The following SIPA1L3 variants were observed in gnomAD, a reference collection of about 807,000 sequenced individuals.
SIPA1L3 encodes signal-induced proliferation-associated 1-like protein 3.
A neutral mutation model predicts 150.1 loss-of-function variants in SIPA1L3; 59 were observed. That is an observed-to-expected ratio of 0.39 (90% CI 0.32 to 0.49). The LOEUF (loss-of-function observed/expected upper bound fraction) is 0.49. Among genes scored for constraint, SIPA1L3 ranks in the 20% least tolerant of loss-of-function variants. The pLI is 0.86. For synonymous variants in SIPA1L3, 1,070 were observed against 1,077.6 expected, an observed-to-expected ratio of 0.99 and a Z score of 0.14; for missense variants, 2,211 against 2,489.5, an observed-to-expected ratio of 0.89 and a Z score of 2.38.
At chr19:37,991,120 T>C (rs938705172) in intron 1 of SIPA1L3, among the ~76,000 whole-genome samples, 3 of 152,058 alleles carry the variant, frequency 2.0e-5, no homozygotes, top group African/African-American at 7.2e-5. Flanking sequence ...TAATCCCAGC[T>C]ACTTGGGAGG....
chr19:38,142,835 G>A (rs899039695), intron 12 of SIPA1L3, 125 bp downstream of exon 12: 5 of 1,220,230 alleles, frequency 4.1e-6, no homozygotes, highest in Non-Finnish European at 5.7e-6. Context: ...ACCCCTGAAG[G>A]TCCTCAGAGG....
At chr19:38,129,483 G>A (rs948082865) in intron 9 of SIPA1L3, among the ~76,000 whole-genome samples, 1 of 152,014 alleles carries the variant, frequency 6.6e-6, no homozygotes, top group African/African-American at 2.4e-5. Context: ...AAACTAGCCG[G>A]GCATGGTGGC....
intron 1 of SIPA1L3, among the ~76,000 whole-genome samples, chr19:37,966,372 G>A (rs1599848259): frequency 1.3e-5 from 2 of 152,194 alleles, no homozygotes; most frequent in Admixed American, 1.3e-4. Flanking sequence ...GCAAGGACAG[G>A]TTTGGACAGA....
chr19:38,013,818 A>G (rs958329925), intron 1 of SIPA1L3, among the ~76,000 whole-genome samples: 1 of 152,258 alleles, frequency 6.6e-6, no homozygotes, highest in Non-Finnish European at 1.5e-5. Context: ...TGAATAAAAT[A>G]TGGCACATCT....
chr19:38,026,699 G>T (rs1968518244), intron 1 of SIPA1L3, among the ~76,000 whole-genome samples: 1 of 152,144 alleles, frequency 6.6e-6, no homozygotes, highest in Non-Finnish European at 1.5e-5. Context: ...TCGTTGAGGG[G>T]TTCTTAATCT....
chr19:38,157,621 C>T (rs920652274), intron 13 of SIPA1L3, among the ~76,000 whole-genome samples: 1 of 152,172 alleles, frequency 6.6e-6, no homozygotes, highest in Non-Finnish European at 1.5e-5. Flanking sequence ...CATGCTCTCA[C>T]GCTGTCCCCT....
At chr19:38,061,602 G>A (rs1969447075) in intron 2 of SIPA1L3, among the ~76,000 whole-genome samples, 1 of 152,052 alleles carries the variant, frequency 6.6e-6, no homozygotes, top group Non-Finnish European at 1.5e-5. Flanking sequence ...GAGAAAAACA[G>A]AATGAGAGAC....
rs73040856 is a variant in SIPA1L3, at chr19:38,035,043, G to A, written c.-311+5887G>A. On this transcript the variant is annotated intron_variant, in intron 2 of 21. Coordinates refer to ENST00000222345, the MANE Select transcript of SIPA1L3 (RefSeq NM_015073.3). ...CCCCAGAGTGGTCAGGTCTGTGATC[G>A]GGGAAGCCCAGGGGAGTGGGAACCC... 6.0e-3 allele frequency among the ~76,000 whole-genome samples: 911 copies of A among 152,288 alleles called. 9 individuals carry two copies. The highest frequency in any genetic ancestry group is 0.01 in the Non-Finnish European group (700 of 68,014).
chr19:38,124,991 GGAAA>G (rs1971138152), intron 9 of SIPA1L3, among the ~76,000 whole-genome samples: 1 of 32,290 alleles, frequency 3.1e-5, no homozygotes, highest in Non-Finnish European at 5.3e-5. Context: ...GGGAGACTGT[GGAAA>G]GAGAGGGAGA....
At chr19:38,170,745 G>T (rs1972310181) in intron 15 of SIPA1L3, among the ~76,000 whole-genome samples, 1 of 152,130 alleles carries the variant, frequency 6.6e-6, no homozygotes, top group African/African-American at 2.4e-5. Flanking sequence ...GGGTCTGAGG[G>T]TGGATGGGAT....
chr19:38,037,420 G>A (rs12980972), intron 2 of SIPA1L3, among the ~76,000 whole-genome samples: 7,837 of 152,264 alleles, frequency 0.051, 294 homozygotes, highest in East Asian at 0.1. Context: ...TTGACTCTGC[G>A]AAGGAACTGG....
chr19:38,013,026 GC>G lies in SIPA1L3; in HGVS notation c.-378-16062del, dbSNP rs376762499. ...AGGCCTCCTTTACCCTTTCTGAGGG[GC>G]TTTGGGCATCTGGGGGACTCTAGTC... On this transcript the variant is annotated intron_variant, in intron 1 of 21. Coordinates refer to ENST00000222345, the MANE Select transcript of SIPA1L3 (RefSeq NM_015073.3). 9.7e-4 allele frequency among the ~76,000 whole-genome samples: 148 copies of G among 152,316 alleles called. 2 individuals are homozygous for G. The East Asian group carries it at 0.019, about 20-fold the overall frequency.
chr19:38,094,936 A>C (rs920580540), intron 4 of SIPA1L3, among the ~76,000 whole-genome samples: 3 of 151,984 alleles, frequency 2.0e-5, no homozygotes, highest in Non-Finnish European at 2.9e-5. Flanking sequence ...GCATGGTGGC[A>C]CACACCTGTA....
intron 1 of SIPA1L3, among the ~76,000 whole-genome samples, chr19:37,962,292 C>T (rs1476274933): frequency 2.0e-5 from 3 of 151,600 alleles, no homozygotes; most frequent in Non-Finnish European, 2.9e-5. Flanking sequence ...TGCAGGCCTG[C>T]GCCACCACGC....
At chr19:37,957,370 T>C (rs913303284) in intron 1 of SIPA1L3, among the ~76,000 whole-genome samples, 7 of 152,218 alleles carry the variant, frequency 4.6e-5, no homozygotes, top group Non-Finnish European at 8.8e-5. Flanking sequence ...ATGGTGAGAA[T>C]TGCCATATTA....
chr19:38,129,170 C>G (rs1247812821), intron 9 of SIPA1L3, among the ~76,000 whole-genome samples: 1 of 152,130 alleles, frequency 6.6e-6, no homozygotes, highest in Non-Finnish European at 1.5e-5. Flanking sequence ...GGGCAGGGCT[C>G]TATTCAGCAG....
At chr19:37,920,807 G>T (rs574295093) in intron 1 of SIPA1L3, among the ~76,000 whole-genome samples, 4 of 152,268 alleles carry the variant, frequency 2.6e-5, no homozygotes, top group East Asian at 1.9e-4. Flanking sequence ...GGGAACACCC[G>T]GCCAGGCCCC....
chr19:37,957,740 G>A (rs2046823699), intron 1 of SIPA1L3, among the ~76,000 whole-genome samples: 1 of 151,864 alleles, frequency 6.6e-6, no homozygotes, highest in Admixed American at 6.6e-5. Context: ...TTTTGAGACA[G>A]AGTCTTCTGT....
chr19:38,158,015 C>T (rs1248945285), intron 13 of SIPA1L3, among the ~76,000 whole-genome samples: 13 of 152,110 alleles, frequency 8.5e-5, no homozygotes, highest in Admixed American at 5.2e-4. Context: ...CCAAGGCAGG[C>T]GGATCACTTG....
Sources: gnomAD v4.1 joint callset for allele counts (sites outside exome capture counted in the v4.1 genomes callset) on GRCh38, gnomAD v4.1.1 for gene constraint, MANE v1.5 for transcripts, NCBI Gene and HGNC (gene_info 2026-07-23, HGNC 2026-07-21) for gene names.